ABLIM2: variants seen among roughly 807,000 people sequenced by gnomAD.
The protein encoded by ABLIM2 is actin binding LIM protein family member 2, also known as actin-binding LIM protein 2.
Under a neutral mutation model 97.7 loss-of-function variants are expected in ABLIM2, and 53 were observed. The ratio of observed to expected loss-of-function variants is 0.54; its 90% CI spans 0.44 to 0.68. ABLIM2 has a LOEUF of 0.68. Ranked by LOEUF, ABLIM2 falls within the 30% of genes least tolerant of loss-of-function variation. The pLI, the probability that ABLIM2 is intolerant of heterozygous loss-of-function variation, is 0.00. For synonymous variants in ABLIM2, 361 were observed against 345.8 expected, an observed-to-expected ratio of 1.04 and a Z score of -0.49; for missense variants, 835 against 867.2, an observed-to-expected ratio of 0.96 and a Z score of 0.47.
intron 3 of ABLIM2, among the ~76,000 whole-genome samples, chr4:8,096,108 C>T (rs757631940): frequency 3.3e-5 from 5 of 152,162 alleles, no homozygotes; most frequent in Non-Finnish European, 7.3e-5. Context: ...CAACCCCACG[C>T]TATCCTTCCG....
rs147950911 is a variant in ABLIM2 at position 7,974,396 on chromosome 4, C to CATCT, written c.1825-7294_1825-7293insAGAT. On this transcript the variant is annotated intron_variant, in intron 20 of 20. Coordinates refer to ENST00000447017, the MANE Select transcript of ABLIM2 (RefSeq NM_001130083.2). ...CCATCCATCCACCCATCCACCCATCCATCCACCCATCCATCCACCAATCCA... is the reference window on the plus strand; with the variant it reads ...CCATCCATCCACCCATCCACCCATCCATCTATCCACCCATCCATCCACCAATCCA... Among the ~76,000 whole-genome samples, 22 of 64,690 alleles carry CATCT rather than the reference C, an allele frequency of 3.4e-4. 1 individual carries two copies. The highest frequency in any genetic ancestry group is 7.9e-4 in the African/African-American group (16 of 20,292). 42.4% of individuals were successfully genotyped at this position (64,690 alleles called of 152,430 possible).
chr4:8,010,343 G>C, intron 14 of ABLIM2: 1 of 983,694 alleles, frequency 1.0e-6, no homozygotes, highest in Non-Finnish European at 1.2e-6. Context: ...CCCATGCACT[G>C]AACAATTACA....
Position 8,157,760 on chromosome 4 carries a change from G to A in ABLIM2, c.10+920C>T, listed in dbSNP as rs544773261. ...TAGAGGAAAGAGCACAAGAGTCAGT[G>A]AGCCCGGGGTTCGAATCCCCGCCCC... On this transcript the variant is annotated intron_variant, in intron 1 of 20. Transcript: ENST00000447017. Among the ~76,000 whole-genome samples, 3 of 152,390 alleles carry A rather than the reference G, an allele frequency of 2.0e-5. No individual in the cohort carries two copies. The South Asian group carries it at 6.2e-4, about 32-fold the overall frequency.
chr4:8,055,375 C>T (rs543065201), intron 7 of ABLIM2, among the ~76,000 whole-genome samples: 6 of 146,350 alleles, frequency 4.1e-5, no homozygotes, highest in Non-Finnish European at 5.9e-5. Flanking sequence ...CTGCCCCCTG[C>T]GATGGGCTGG....
In ABLIM2 at chr4:7,967,041, G is replaced by A. The variant is rs758048267; in HGVS notation, c.1887C>T (p.Arg629=). Residue 629 remains arginine, a synonymous_variant, in exon 21 of 21, where the codon CGC becomes CGT. Transcript: ENST00000447017. ...VFGMSIEEFD[R]LALWKRNDLK... Reference sequence around the variant, plus strand: ...GGTCATTCCTCTTCCAGAGGGCCAGGCGGTCAAACTCCTCGATGCTCATCC... The same window carrying A: ...GGTCATTCCTCTTCCAGAGGGCCAGACGGTCAAACTCCTCGATGCTCATCC... The A allele has an allele frequency of 6.2e-7, 1 of 1,613,936 alleles. No homozygotes were observed. The highest frequency in any genetic ancestry group is 1.1e-5 in the South Asian group (1 of 91,082).
chr4:8,046,312 C>T lies in ABLIM2; in HGVS notation c.823-1071G>A, dbSNP rs981400115. On this transcript the variant is annotated intron_variant, in intron 8 of 20. Coordinates refer to ENST00000447017, the MANE Select transcript of ABLIM2 (RefSeq NM_001130083.2). This position sits in a 1 kb window ranked among gnomAD's most constrained non-coding sequence, Gnocchi z 4.4. ...TCTGGCTGCACCTGCTGTCCCTCCCCACCTGCAGGGCAGGGGCCTCTCCTG... is the reference window on the plus strand; with the variant it reads ...TCTGGCTGCACCTGCTGTCCCTCCCTACCTGCAGGGCAGGGGCCTCTCCTG... Among the ~76,000 whole-genome samples the T allele has an allele frequency of 1.3e-5, 2 of 152,150 alleles. No individual in the cohort carries two copies. Among genetic ancestry groups the T allele is most frequent in the East Asian group, 3.9e-4 (2 of 5,184 alleles).
intron 3 of ABLIM2, among the ~76,000 whole-genome samples, chr4:8,090,655 C>A (rs1427269923): frequency 6.6e-6 from 1 of 152,190 alleles, no homozygotes; most frequent in Non-Finnish European, 1.5e-5. Flanking sequence ...ATCATTGTCA[C>A]CATGGCCCCA....
At position 8,124,564 on chromosome 4, in the gene ABLIM2, C is replaced by T. The variant is rs1038507909; in HGVS notation, c.11-17927G>A. The stretch of plus-strand genomic sequence containing the variant: ...CGGCGTCATGTTTTCAGGGAGTGTC[C>T]GTGGTGTGGTGGGCGTCAGTGCCTC... On this transcript the variant is annotated intron_variant, in intron 1 of 20. Coordinates refer to ENST00000447017, the MANE Select transcript of ABLIM2 (RefSeq NM_001130083.2). This position sits in a 1 kb window ranked among gnomAD's most constrained non-coding sequence, Gnocchi z 6.1. Among the ~76,000 whole-genome samples the T allele has an allele frequency of 6.6e-6, 1 of 152,072 alleles. No homozygotes were observed. Among genetic ancestry groups the T allele is most frequent in the African/African-American group, 2.4e-5 (1 of 41,398 alleles).
intron 10 of ABLIM2, among the ~76,000 whole-genome samples, chr4:8,034,487 CAGGTGGGTGGGTGGTAGGTAG>C (rs1782969825): frequency 2.5e-5 from 1 of 39,350 alleles, no homozygotes; most frequent in East Asian, 8.3e-4. Context: ...TAGGTGGGTG[CAGGTGGGTGGGTGGTAGGTAG>C]GTGGGTGCAG....
chr4:8,145,183 T>C (rs1001430043), intron 1 of ABLIM2, among the ~76,000 whole-genome samples: 1 of 145,768 alleles, frequency 6.9e-6, no homozygotes, highest in Non-Finnish European at 1.5e-5. Context: ...ATGGCAGGTA[T>C]TGATTTTTTT....
At position 8,021,484 on chromosome 4, in the gene ABLIM2, G is replaced by C. The variant is rs994689486; in HGVS notation, c.1268-1181C>G. ...CAGCACTAGGCAATGGGCTGCAAGG[G>C]GTAAGGCGCTCTTCACCTGAGAACG... On this transcript the variant is annotated intron_variant, in intron 12 of 20. Transcript: ENST00000447017. This position sits in a 1 kb window ranked among gnomAD's most constrained non-coding sequence, Gnocchi z 5.5. Among the ~76,000 whole-genome samples the C allele has an allele frequency of 1.3e-5, 2 of 152,224 alleles. No homozygotes were observed. Among genetic ancestry groups the C allele is most frequent in the African/African-American group, 4.8e-5 (2 of 41,452 alleles).
Position 8,071,806 on chromosome 4 carries a change from C to A in ABLIM2, c.675+5822G>T, listed in dbSNP as rs569324585. ...TGGGCACCAGAGCCCAGTCTGACGG[C>A]CCTGCTTGAGTGCCGTGCTCCCTGG... On this transcript the variant is annotated intron_variant, in intron 6 of 20. Coordinates refer to ENST00000447017, the MANE Select transcript of ABLIM2 (RefSeq NM_001130083.2). The surrounding 1 kb of genome is among the most constrained non-coding windows in gnomAD (Gnocchi z 6.2). 23 of 985,408 alleles carry A rather than the reference C, an allele frequency of 2.3e-5. No homozygotes were observed. The African/African-American group carries it at 3.8e-4, about 16-fold the overall frequency. The allele number at this position is 985,408 out of a possible 1,614,324, so 61.0% of individuals were successfully genotyped here.
chr4:7,983,485 G>A, intron 19 of ABLIM2, 62 bp downstream of exon 19: 2 of 1,606,754 alleles, frequency 1.2e-6, no homozygotes, highest in Non-Finnish European at 1.7e-6. Flanking sequence ...CAACAGAAAG[G>A]ACTTTTAACC....
chr4:8,062,821 G>A (rs763999521), intron 6 of ABLIM2, among the ~76,000 whole-genome samples: 2 of 152,268 alleles, frequency 1.3e-5, no homozygotes, highest in African/African-American at 2.4e-5. Context: ...AGGTATCAAC[G>A]TCACAGTTGT....
chr4:8,010,996 A>G lies in ABLIM2; in HGVS notation c.1424-1894T>C, dbSNP rs535395205. 1.6e-4 allele frequency among the ~76,000 whole-genome samples: 24 copies of G among 152,344 alleles called. No individual in the cohort carries two copies. The South Asian group carries it at 4.8e-3, about 30-fold the overall frequency. On this transcript the variant is annotated intron_variant, in intron 14 of 20. Coordinates refer to ENST00000447017, the MANE Select transcript of ABLIM2 (RefSeq NM_001130083.2). ...TGAGTTGGCTGGCAAAAATAAGTGC[A>G]TCGTTTCCTGAAAAGCCAGGAGGTT...
chr4:8,088,336 G>T (rs117015277), intron 3 of ABLIM2, 52 bp from the exon 4 acceptor site: 4 of 1,442,310 alleles, frequency 2.8e-6, no homozygotes, highest in African/African-American at 2.8e-5. Context: ...GCTCCTCTCT[G>T]GGGGAGCCCT....
At chr4:8,070,739 A>G (rs1437002639) in intron 6 of ABLIM2, among the ~76,000 whole-genome samples, 1 of 152,138 alleles carries the variant, frequency 6.6e-6, no homozygotes. Context: ...CAGTGAGGCC[A>G]GGAAGGGTCT....
intron 20 of ABLIM2, among the ~76,000 whole-genome samples, chr4:7,973,054 A>G (rs763272192): frequency 1.5e-4 from 18 of 120,232 alleles, no homozygotes; most frequent in Non-Finnish European, 3.2e-4. Context: ...ACAGGACTCC[A>G]GCAATGAGCT....
intron 20 of ABLIM2, among the ~76,000 whole-genome samples, chr4:7,979,926 C>T (rs995944932): frequency 6.6e-5 from 10 of 152,128 alleles, no homozygotes; most frequent in African/African-American, 2.2e-4. Context: ...GTCTCTTCCC[C>T]GCAGATTTAG....
Sources: gnomAD v4.1 joint callset for allele counts (sites outside exome capture counted in the v4.1 genomes callset) on GRCh38, gnomAD v4.1.1 for gene constraint, Gnocchi (gnomAD v3.1) non-coding constraint, MANE v1.5 for transcripts, NCBI Gene and HGNC (gene_info 2026-07-23, HGNC 2026-07-21) for gene names.